The following RGS13 variants were observed in gnomAD, a reference collection of about 807,000 sequenced individuals.
RGS13 encodes regulator of G-protein signalling 13.
In RGS13, 14 loss-of-function variants were observed where a neutral mutation model predicts 19.9. That is an observed-to-expected ratio of 0.70 (90% CI 0.46 to 1.10). The LOEUF (loss-of-function observed/expected upper bound fraction) is 1.10, where lower values mean the gene tolerates loss of function less well. Ranked by LOEUF, RGS13 falls within the 50% of genes least tolerant of loss-of-function variation. The pLI is 0.00. For synonymous variants in RGS13, 60 were observed against 56.8 expected (o/e 1.06, Z -0.25); for missense variants, 205 against 187.1 (o/e 1.10, Z -0.56).
chr1:192,647,360 T>C (rs1167258919), intron 4 of RGS13: 1 of 152,192 alleles, frequency 6.6e-6, no homozygotes, highest in African/African-American at 2.4e-5. Flanking sequence ...TGAGTTTTTA[T>C]GGTGAAAAAT....
In RGS13 at chr1:192,658,297, C is replaced by A. The variant is rs1663482682; in HGVS notation, c.224C>A (p.Ser75Ter). 1 of 1,613,560 alleles carries A rather than the reference C, an allele frequency of 6.2e-7. No homozygotes were observed. Among genetic ancestry groups the A allele is most frequent in the Non-Finnish European group, 8.5e-7 (1 of 1,179,736 alleles). Residue 75 changes from serine (S) to a stop codon, truncating the protein, a stop_gained, in exon 6 of 7, where the codon TCA (serine) becomes TAA (stop). Coordinates refer to ENST00000391995, the MANE Select transcript of RGS13 (RefSeq NM_002927.5). LOFTEE classifies it high-confidence loss of function. Reference sequence around the variant, plus strand: ...TGTGAAACCTATAAGAAAATTGCCTCACGGTGGAGCAGAATTTCTAGGGCA... The same window carrying A: ...TGTGAAACCTATAAGAAAATTGCCTAACGGTGGAGCAGAATTTCTAGGGCA... ...MACETYKKIA[S>*]RWSRISRAKK...
At chr1:192,657,496 A>T (rs976900965) in intron 5 of RGS13, among the ~76,000 whole-genome samples, 1 of 152,068 alleles carries the variant, frequency 6.6e-6, no homozygotes, top group Non-Finnish European at 1.5e-5. Context: ...TTAAGATCAG[A>T]GTTGAAGATA....
chr1:192,658,968 G>A, intron 6 of RGS13: 1 of 165,292 alleles, frequency 6.0e-6, no homozygotes, highest in East Asian at 1.7e-4. Context: ...TATTAAGGGA[G>A]ATAAATTTTT....
At chr1:192,643,404 T>G (rs1663159460) in intron 3 of RGS13, among the ~76,000 whole-genome samples, 1 of 152,088 alleles carries the variant, frequency 6.6e-6, no homozygotes, top group Non-Finnish European at 1.5e-5. Context: ...ACAAATTTGT[T>G]AGTTGTTTTT....
chr1:192,644,484 T>C (rs1663181568), intron 4 of RGS13, 85 bp downstream of exon 4: 5 of 1,008,324 alleles, frequency 5.0e-6, no homozygotes, highest in Non-Finnish European at 7.6e-6. Context: ...ACTGCTATTG[T>C]AACATATTTT....
intron 6 of RGS13, 72 bp downstream of exon 6, chr1:192,658,439 CA>C: frequency 7.1e-7 from 1 of 1,417,814 alleles, no homozygotes; most frequent in Non-Finnish European, 9.7e-7. Flanking sequence ...GTCAAGCATC[CA>C]TAAGTGCCAG....
At chr1:192,652,193 A>G (rs1423134531) in intron 5 of RGS13, among the ~76,000 whole-genome samples, 1 of 152,118 alleles carries the variant, frequency 6.6e-6, no homozygotes, top group Non-Finnish European at 1.5e-5. Context: ...TGGGATTGAC[A>G]TACTGCTGAA....
chr1:192,647,707 C>T (rs1455991944), intron 4 of RGS13: 9 of 218,740 alleles, frequency 4.1e-5, no homozygotes, highest in Non-Finnish European at 7.1e-5. Flanking sequence ...ATTATATTTT[C>T]AAGTCTACAC....
chr1:192,642,947 T>A (rs916900558), intron 3 of RGS13, among the ~76,000 whole-genome samples: 16 of 151,454 alleles, frequency 1.1e-4, no homozygotes, highest in Non-Finnish European at 2.1e-4. Flanking sequence ...ACAGCCTCCA[T>A]CTCCTGGGCT....
intron 3 of RGS13, among the ~76,000 whole-genome samples, chr1:192,641,143 A>AAGAAAGAAAGAGGAAAGAAAGAGAG (rs1663096824): frequency 6.6e-6 from 1 of 151,112 alleles, no homozygotes; most frequent in Non-Finnish European, 1.5e-5. Flanking sequence ...GAAGGAAGGA[A>AAGAAAGAAAGAGGAAAGAAAGAGAG]AGAAAGAAAG....
At chr1:192,637,231 T>C (rs1663031986) in intron 1 of RGS13, among the ~76,000 whole-genome samples, 1 of 151,808 alleles carries the variant, frequency 6.6e-6, no homozygotes, top group African/African-American at 2.4e-5. Context: ...AAACACTCTA[T>C]GTTTCGATTG....
At position 192,660,057 on chromosome 1, in the gene RGS13, C is replaced by G. The variant is rs966438600; in HGVS notation, c.*534C>G. ...ATTTTCCTACTATTATGTTCATTAACAAACTTCTTTATCACATGTATCTTC... is the reference window on the plus strand; with the variant it reads ...ATTTTCCTACTATTATGTTCATTAAGAAACTTCTTTATCACATGTATCTTC... On this transcript the variant is annotated 3_prime_UTR_variant, in exon 7 of 7. Coordinates refer to ENST00000391995, the MANE Select transcript of RGS13 (RefSeq NM_002927.5). 6.6e-6 allele frequency: 1 copy of G among 151,994 alleles called. No homozygotes were observed. The highest frequency in any genetic ancestry group is 2.4e-5 in the African/African-American group (1 of 41,428). 9.4% of individuals were successfully genotyped at this position (151,994 alleles called of 1,614,324 possible).
intron 4 of RGS13, 187 bp from the exon 5 acceptor site, chr1:192,647,739 T>C (rs2102033445): frequency 3.7e-6 from 1 of 272,764 alleles, no homozygotes; most frequent in Non-Finnish European, 6.8e-6. Context: ...TTTTTATAAT[T>C]TAAAAAATTT....
intron 4 of RGS13, 151 bp from the exon 5 acceptor site, chr1:192,647,775 A>G (rs1051461029): frequency 5.4e-6 from 2 of 370,370 alleles, no homozygotes; most frequent in African/African-American, 4.2e-5. Context: ...AATGTAAAAT[A>G]TCACAGGAAA....
At chr1:192,636,588 T>C (rs1449205877) in intron 1 of RGS13, among the ~76,000 whole-genome samples, 1 of 151,990 alleles carries the variant, frequency 6.6e-6, no homozygotes, top group South Asian at 2.1e-4. Context: ...TCATTTTATG[T>C]TTTTGTGTAT....
At chr1:192,651,502 T>G (rs1663335653) in intron 5 of RGS13, among the ~76,000 whole-genome samples, 1 of 152,104 alleles carries the variant, frequency 6.6e-6, no homozygotes, top group African/African-American at 2.4e-5. Flanking sequence ...GCAATATATT[T>G]GTAGGATGAT....
intron 5 of RGS13, among the ~76,000 whole-genome samples, chr1:192,649,320 T>C (rs1663295324): frequency 1.3e-5 from 2 of 152,144 alleles, no homozygotes. Context: ...GTTAACTATA[T>C]TGTAAATTTT....
chr1:192,639,602 T>G (rs1663071266), intron 3 of RGS13, among the ~76,000 whole-genome samples: 2 of 152,170 alleles, frequency 1.3e-5, no homozygotes, highest in African/African-American at 4.8e-5. Flanking sequence ...AAATGCGGTC[T>G]AACAGAATAT....
chr1:192,643,878 G>A (rs911632872), intron 3 of RGS13, among the ~76,000 whole-genome samples: 9 of 152,076 alleles, frequency 5.9e-5, no homozygotes, highest in African/African-American at 2.2e-4. Context: ...CCTAAGACTG[G>A]GGATGTCAAG....
Sources: allele counts gnomAD v4.1 joint callset (sites outside exome capture counted in the v4.1 genomes callset), GRCh38; gene constraint gnomAD v4.1.1; transcripts MANE v1.5; gene names NCBI Gene and HGNC (gene_info 2026-07-23, HGNC 2026-07-21).